Variants in NREP observed in about 807,000 individuals in gnomAD.
NREP encodes the protein neuronal regeneration-related protein.
A neutral mutation model predicts 8.6 loss-of-function variants in NREP; 5 were observed. The ratio of observed to expected loss-of-function variants is 0.58; its 90% CI spans 0.30 to 1.22. The LOEUF is 1.22. Among genes scored for constraint, NREP ranks in the 50% most tolerant of loss-of-function variants. NREP has a pLI of 0.07. For missense variants in NREP, 86 were observed against 82.5 expected, an observed-to-expected ratio of 1.04 and a Z score of -0.17; for synonymous variants, 27 against 28.0, an observed-to-expected ratio of 0.96 and a Z score of 0.11.
intron 2 of NREP, among the ~76,000 whole-genome samples, chr5:111,752,975 A>G (rs1750457074): frequency 6.6e-6 from 1 of 152,190 alleles, no homozygotes; most frequent in Non-Finnish European, 1.5e-5. Flanking sequence ...ATCTCATGTA[A>G]AATACAATCA....
intron 2 of NREP, among the ~76,000 whole-genome samples, chr5:111,875,692 C>G (rs894707245): frequency 6.6e-6 from 1 of 152,224 alleles, no homozygotes. Flanking sequence ...GCCTAACTCT[C>G]ATTACACTTC....
At chr5:111,945,613 A>G (rs951567496) in intron 2 of NREP, among the ~76,000 whole-genome samples, 3 of 152,032 alleles carry the variant, frequency 2.0e-5, no homozygotes, top group African/African-American at 7.2e-5. Flanking sequence ...GTTGAAAGTG[A>G]CATACTGTAA....
chr5:111,924,157 C>G (rs777842088), intron 2 of NREP, among the ~76,000 whole-genome samples: 6 of 152,138 alleles, frequency 3.9e-5, no homozygotes, highest in Non-Finnish European at 8.8e-5. Flanking sequence ...TGAGGTTTGG[C>G]AAAGCTGGGC....
At position 111,822,394 on chromosome 5, in the gene NREP, A is replaced by G. The variant is rs148326661; in HGVS notation, c.136-86887T>C. Among the ~76,000 whole-genome samples, 203 of 152,366 alleles carry G rather than the reference A, an allele frequency of 1.3e-3. 1 individual carries two copies. Among genetic ancestry groups the G allele is most frequent in the Non-Finnish European group, 2.6e-3 (178 of 68,032 alleles). ...AGACCCTTAGGCAGTTTGATATAAT[A>G]GAATTAGGGCAACAAAAATTTGAGT... On this transcript the variant is annotated intron_variant, in intron 2 of 3. Coordinates refer to the NREP transcript ENST00000395634.
rs556487508 is a variant in NREP, at chr5:111,892,545, A to G, written c.135+82729T>C. 6.6e-5 allele frequency among the ~76,000 whole-genome samples: 10 copies of G among 152,310 alleles called. No individual in the cohort carries two copies. In the East Asian group the frequency reaches 1.9e-3, roughly 29 times the overall value. On this transcript the variant is annotated intron_variant, in intron 2 of 3. Transcript: ENST00000395634. Reference sequence around the variant, plus strand: ...TGTTTATATGTTACTTAAATTTAAAAAACTAAAGTTAGAAATAAAGGGACA... The same window carrying G: ...TGTTTATATGTTACTTAAATTTAAAGAACTAAAGTTAGAAATAAAGGGACA...
intron 2 of NREP, among the ~76,000 whole-genome samples, chr5:111,886,000 C>T (rs1214083501): frequency 2.0e-5 from 3 of 152,300 alleles, no homozygotes; most frequent in Admixed American, 6.5e-5. Context: ...AGAGCTTCTG[C>T]ACAGCAAAAG....
At chr5:111,884,128 A>C (rs1246125069) in intron 2 of NREP, among the ~76,000 whole-genome samples, 1 of 152,174 alleles carries the variant, frequency 6.6e-6, no homozygotes, top group Non-Finnish European at 1.5e-5. Flanking sequence ...GCAATAAAAA[A>C]TGATAAAGGG....
chr5:111,860,398 T>C (rs141929951), intron 2 of NREP, among the ~76,000 whole-genome samples: 2 of 152,296 alleles, frequency 1.3e-5, no homozygotes, highest in Admixed American at 1.3e-4. Context: ...ACTTTAATCC[T>C]AGATATCATC....
chr5:111,868,058 A>C (rs962593326), intron 2 of NREP, among the ~76,000 whole-genome samples: 1 of 152,088 alleles, frequency 6.6e-6, no homozygotes, highest in Non-Finnish European at 1.5e-5. Context: ...AGGTACTCTC[A>C]TTTTTAAAAA....
intron 2 of NREP, among the ~76,000 whole-genome samples, chr5:111,887,712 C>T (rs1754295917): frequency 1.3e-5 from 2 of 152,224 alleles, no homozygotes; most frequent in African/African-American, 4.8e-5. Context: ...GAAGATATCC[C>T]TTTACCCAGG....
chr5:111,857,413 T>C (rs944232928), intron 2 of NREP, among the ~76,000 whole-genome samples: 5 of 152,188 alleles, frequency 3.3e-5, no homozygotes, highest in African/African-American at 1.2e-4. Context: ...ACCTCTGAAC[T>C]ACTGGCCTTA....
intron 2 of NREP, among the ~76,000 whole-genome samples, chr5:111,817,633 G>C (rs927391645): frequency 3.3e-5 from 5 of 151,854 alleles, no homozygotes; most frequent in African/African-American, 1.2e-4. Context: ...GTGAAACCTC[G>C]TCTCTACTAA....
intron 2 of NREP, among the ~76,000 whole-genome samples, chr5:111,920,607 C>A (rs1442705203): frequency 6.6e-6 from 1 of 152,010 alleles, no homozygotes; most frequent in Non-Finnish European, 1.5e-5. Flanking sequence ...AGATGGGTTG[C>A]CATTTTACAG....
chr5:111,813,458 T>G (rs1269956009), intron 2 of NREP, among the ~76,000 whole-genome samples: 1 of 152,180 alleles, frequency 6.6e-6, no homozygotes. Context: ...CTAACCTGTC[T>G]TATATTCTAA....
At position 111,882,715 on chromosome 5, in the gene NREP, C is replaced by A. The variant is rs566028888; in HGVS notation, c.135+92559G>T. Among the ~76,000 whole-genome samples, 7 of 152,204 alleles carry A rather than the reference C, an allele frequency of 4.6e-5. No homozygotes were observed. In the East Asian group the frequency reaches 1.4e-3, roughly 29 times the overall value. The stretch of plus-strand genomic sequence containing the variant: ...GAATTTTCCACCCAGAATTTCATAT[C>A]CAGCCAAACTAAGCTTCATAAGTGA... On this transcript the variant is annotated intron_variant, in intron 2 of 3. Coordinates refer to the NREP transcript ENST00000395634.
At chr5:111,958,475 G>T (rs1432260074) in intron 2 of NREP, among the ~76,000 whole-genome samples, 2 of 151,858 alleles carry the variant, frequency 1.3e-5, no homozygotes, top group Non-Finnish European at 2.9e-5. Flanking sequence ...GGAAAATTCA[G>T]CAAAGTTTCT....
intron 3 of NREP, chr5:111,732,197 A>G (rs1748652761): frequency 6.6e-6 from 1 of 152,178 alleles, no homozygotes; most frequent in South Asian, 2.1e-4. Context: ...TTTGTGGCCT[A>G]TAAATTAACA....
intron 2 of NREP, among the ~76,000 whole-genome samples, chr5:111,828,804 A>G (rs919791889): frequency 3.9e-5 from 6 of 152,222 alleles, no homozygotes; most frequent in African/African-American, 1.4e-4. Flanking sequence ...TATTGAATAA[A>G]TGACTACTGT....
At chr5:111,925,611 A>G (rs1159258629) in intron 2 of NREP, among the ~76,000 whole-genome samples, 3 of 152,116 alleles carry the variant, frequency 2.0e-5, no homozygotes, top group East Asian at 3.9e-4. Flanking sequence ...ATAAACTTGT[A>G]CTTTAGGACT....
Sources: allele counts gnomAD v4.1 joint callset (sites outside exome capture counted in the v4.1 genomes callset), GRCh38; gene constraint gnomAD v4.1.1; transcripts MANE v1.5; gene names NCBI Gene and HGNC (gene_info 2026-07-23, HGNC 2026-07-21).